The following DPP6 variants were observed in gnomAD, a reference collection of about 807,000 sequenced individuals.
DPP6 encodes A-type potassium channel modulatory protein DPP6.
DPP6 carries 69 observed loss-of-function variants against 122.6 expected under a neutral mutation model. The observed-to-expected ratio is 0.56, with a 90% CI of 0.46 to 0.69. The LOEUF (loss-of-function observed/expected upper bound fraction) is 0.69, where lower values mean the gene tolerates loss of function less well. Ranked by LOEUF, DPP6 falls within the 30% of genes least tolerant of loss-of-function variation. The probability of loss-of-function intolerance (pLI) is 0.00; values close to 1 mark genes in which losing one functional copy is unlikely to be tolerated. For synonymous variants in DPP6, 418 were observed against 433.1 expected, an observed-to-expected ratio of 0.97 and a Z score of 0.43; for missense variants, 928 against 1,116.9, an observed-to-expected ratio of 0.83 and a Z score of 2.41.
chr7:154,892,963 A>C lies in DPP6; in HGVS notation c.*483A>C. On this transcript the variant is annotated 3_prime_UTR_variant, in exon 26 of 26. Transcript: ENST00000377770. The stretch of plus-strand genomic sequence containing the variant: ...TTGTTTTAGCAGTGCGTGTTCATAT[A>C]TGGGCTTGCTACTTCCTGTAATGAG... 1.9e-6 allele frequency: 1 copy of C among 518,450 alleles called. No homozygotes were observed. The highest frequency in any genetic ancestry group is 1.9e-5 in the Admixed American group (1 of 51,590). The allele number at this position is 518,450 out of a possible 1,614,324, so 32.1% of individuals were successfully genotyped here. A position where few individuals can be genotyped will look rare whatever the true frequency, so the allele number is the denominator to read the frequency against.
chr7:154,015,292 C>G (rs2129050033), intron 1 of DPP6, among the ~76,000 whole-genome samples: 1 of 152,228 alleles, frequency 6.6e-6, no homozygotes, highest in South Asian at 2.1e-4. Context: ...GTTCTGTCTT[C>G]CCGCGTGACC....
At chr7:153,778,288 G>A in the DPP6 span, among the ~76,000 whole-genome samples, 7 of 151,960 alleles carry the variant, frequency 4.6e-5, no homozygotes, top group East Asian at 1.9e-4. Flanking sequence ...GGTGGTATCC[G>A]TGTGAACTCA....
the DPP6 span, among the ~76,000 whole-genome samples, chr7:153,748,379 G>A: frequency 3.2e-3 from 459 of 143,860 alleles, 4 homozygotes; most frequent in African/African-American, 0.011. Context: ...GGGTGCCGGA[G>A]TCCGCACTGA....
At chr7:153,895,627 A>G (rs1799376064) in intron 1 of DPP6, among the ~76,000 whole-genome samples, 1 of 70,530 alleles carries the variant, frequency 1.4e-5, no homozygotes, top group Admixed American at 1.4e-4. Flanking sequence ...GTATAGTCCT[A>G]TTGGACACAA....
intron 1 of DPP6, among the ~76,000 whole-genome samples, chr7:154,298,268 C>CCACACACACACA (rs773227930): frequency 2.1e-3 from 309 of 150,446 alleles, no homozygotes; most frequent in African/African-American, 6.0e-3. Flanking sequence ...CTCTCTCTCT[C>CCACACACACACA]CACACACACA....
intron 1 of DPP6, among the ~76,000 whole-genome samples, chr7:154,271,777 G>A (rs1803811606): frequency 6.6e-6 from 1 of 152,134 alleles, no homozygotes; most frequent in African/African-American, 2.4e-5. Flanking sequence ...AAACATTCTT[G>A]TCTCCAATAT....
chr7:154,447,221 G>T (rs772514729), intron 2 of DPP6, among the ~76,000 whole-genome samples: 5 of 152,086 alleles, frequency 3.3e-5, no homozygotes, highest in African/African-American at 7.2e-5. Context: ...CAGGAGAATC[G>T]CTTGAACCTG....
At chr7:153,829,949 C>T in the DPP6 span, among the ~76,000 whole-genome samples, 16 of 152,340 alleles carry the variant, frequency 1.1e-4, no homozygotes, top group Non-Finnish European at 2.4e-4. Context: ...ATTCTATGTG[C>T]CTTGCCATCA....
intron 2 of DPP6, among the ~76,000 whole-genome samples, chr7:154,470,791 T>A (rs6954571): frequency 0.22 from 33,421 of 152,062 alleles, 4,040 homozygotes; most frequent in African/African-American, 0.32. Context: ...TTTTCAGTGA[T>A]CCCTGAATTG....
At chr7:153,808,952 A>ATT in the DPP6 span, among the ~76,000 whole-genome samples, 1 of 151,896 alleles carries the variant, frequency 6.6e-6, no homozygotes, top group African/African-American at 2.4e-5. Context: ...TTTGATTTTT[A>ATT]TTTTTTTGTG....
chr7:153,781,259 G>A, the DPP6 span, among the ~76,000 whole-genome samples: 2 of 147,572 alleles, frequency 1.4e-5, no homozygotes, highest in Admixed American at 6.6e-5. Context: ...TATTGCCTTC[G>A]TTTCACAGTT....
chr7:154,032,028 T>TA (rs546081832), intron 1 of DPP6, among the ~76,000 whole-genome samples: 1 of 79,638 alleles, frequency 1.3e-5, no homozygotes, highest in African/African-American at 9.9e-5. Flanking sequence ...CACCCGCCTA[T>TA]TTTTTTTTTT....
Position 154,892,932 on chromosome 7 carries a change from G to A in DPP6, c.*452G>A, listed in dbSNP as rs1315831734. On this transcript the variant is annotated 3_prime_UTR_variant, in exon 26 of 26. Transcript: ENST00000377770. ...CAGTGCCATGGACGCAGCAGTTACAGCACCATTGTTTTAGCAGTGCGTGTT... is the reference window on the plus strand; with the variant it reads ...CAGTGCCATGGACGCAGCAGTTACAACACCATTGTTTTAGCAGTGCGTGTT... 5.7e-6 allele frequency: 3 copies of A among 521,928 alleles called. No individual in the cohort carries two copies. The highest frequency in any genetic ancestry group is 1.1e-5 in the Non-Finnish European group (3 of 261,960). 32.3% of individuals were successfully genotyped at this position (521,928 alleles called of 1,614,324 possible). A position where few individuals can be genotyped will look rare whatever the true frequency, so the allele number is the denominator to read the frequency against.
intron 8 of DPP6, among the ~76,000 whole-genome samples, chr7:154,745,773 G>A (rs575172800): frequency 2.6e-5 from 4 of 152,272 alleles, no homozygotes; most frequent in East Asian, 3.9e-4. Flanking sequence ...ATAACAGCCC[G>A]CCCTCACAGG....
At chr7:154,688,164 T>C (rs528401846) in intron 7 of DPP6, among the ~76,000 whole-genome samples, 2 of 152,346 alleles carry the variant, frequency 1.3e-5, no homozygotes, top group Admixed American at 1.3e-4. Context: ...TATGTGTATA[T>C]ATGTGTCACT....
chr7:154,341,237 G>A (rs909837605), intron 1 of DPP6, among the ~76,000 whole-genome samples: 15 of 152,170 alleles, frequency 9.9e-5, no homozygotes, highest in African/African-American at 3.6e-4. Context: ...CAAGTGCAGC[G>A]AGGATTCCTG....
chr7:154,190,173 T>C (rs1798544629), intron 1 of DPP6, among the ~76,000 whole-genome samples: 1 of 152,196 alleles, frequency 6.6e-6, no homozygotes, highest in South Asian at 2.1e-4. Flanking sequence ...AACTTGGGCT[T>C]TCACTGATAT....
intron 1 of DPP6, among the ~76,000 whole-genome samples, chr7:154,348,088 A>ACC (rs920244430): frequency 2.6e-5 from 4 of 151,038 alleles, no homozygotes; most frequent in African/African-American, 9.8e-5. Context: ...CTCAGCTCCC[A>ACC]CCCCCACCTC....
chr7:154,511,362 C>T (rs1350732314), intron 3 of DPP6, among the ~76,000 whole-genome samples: 2 of 152,250 alleles, frequency 1.3e-5, no homozygotes, highest in South Asian at 2.1e-4. Context: ...ACAGGATGAA[C>T]ACCAGTTTGA....
Sources: gnomAD v4.1 joint callset for allele counts (sites outside exome capture counted in the v4.1 genomes callset) on GRCh38, gnomAD v4.1.1 for gene constraint, MANE v1.5 for transcripts, NCBI Gene and HGNC (gene_info 2026-07-23, HGNC 2026-07-21) for gene names.